Variants in DLG2 observed in about 807,000 individuals in gnomAD.
DLG2 encodes the protein disks large homolog 2.
A neutral mutation model predicts 132.5 loss-of-function variants in DLG2; 45 were observed. The ratio of observed to expected loss-of-function variants is 0.34; its 90% confidence interval spans 0.27 to 0.44. The LOEUF (loss-of-function observed/expected upper bound fraction) is 0.44. DLG2 is among the 20% of genes least tolerant of loss of function. DLG2 has a pLI of 1.00. For synonymous variants in DLG2, 424 were observed against 419.6 expected (o/e 1.01, Z -0.13); for missense variants, 1,045 against 1,196.9 (o/e 0.87, Z 1.87).
At chr11:84,383,008 T>A (rs2098754268) in intron 7 of DLG2, among the ~76,000 whole-genome samples, 1 of 152,010 alleles carries the variant, frequency 6.6e-6, no homozygotes, top group Non-Finnish European at 1.5e-5. Flanking sequence ...GTCCTCCACA[T>A]TGCTGCCAGA....
intron 7 of DLG2, among the ~76,000 whole-genome samples, chr11:84,334,496 G>A (rs2098474926): frequency 6.6e-6 from 1 of 152,164 alleles, no homozygotes; most frequent in African/African-American, 2.4e-5. Context: ...GCTTTGAAAG[G>A]TAATGTCACT....
chr11:84,202,805 C>T (rs1419288389), intron 8 of DLG2, among the ~76,000 whole-genome samples: 1 of 151,998 alleles, frequency 6.6e-6, no homozygotes, highest in African/African-American at 2.4e-5. Context: ...GGGCAAAGTA[C>T]AAGAACAGAC....
chr11:84,511,210 A>AT (rs1013643707), intron 7 of DLG2, among the ~76,000 whole-genome samples: 5 of 151,702 alleles, frequency 3.3e-5, no homozygotes, highest in African/African-American at 2.4e-5. Context: ...CAAGTGTGGA[A>AT]TTTTTTTTTC....
At chr11:84,737,037 T>C (rs146366931) in intron 6 of DLG2, among the ~76,000 whole-genome samples, 417 of 152,068 alleles carry the variant, frequency 2.7e-3, no homozygotes, top group Non-Finnish European at 4.7e-3. Flanking sequence ...GAAATTCCCT[T>C]CTATTTATAT....
At chr11:84,619,874 A>G (rs887059830) in intron 6 of DLG2, among the ~76,000 whole-genome samples, 1 of 151,732 alleles carries the variant, frequency 6.6e-6, no homozygotes, top group East Asian at 1.9e-4. Flanking sequence ...TAAGAAATCA[A>G]TCTTCCCAAA....
chr11:83,723,105 G>T (rs538107534), intron 18 of DLG2, among the ~76,000 whole-genome samples: 1 of 152,266 alleles, frequency 6.6e-6, no homozygotes, highest in South Asian at 2.1e-4. Flanking sequence ...AAACGGCCAG[G>T]GGTGGTGTCT....
chr11:85,350,681 C>T (rs1208589709), intron 3 of DLG2, among the ~76,000 whole-genome samples: 2 of 152,176 alleles, frequency 1.3e-5, no homozygotes, highest in Non-Finnish European at 2.9e-5. Context: ...TTCCCCACTT[C>T]TTGTTTTTGT....
rs73491954 is a variant in DLG2 at position 85,447,575 on chromosome 11, C to G, written c.40+151082G>C. Among the ~76,000 whole-genome samples the G allele has an allele frequency of 6.0e-3, 915 of 152,240 alleles. 10 individuals are homozygous for G. The highest frequency in any genetic ancestry group is 0.02 in the African/African-American group (849 of 41,548). The stretch of plus-strand genomic sequence containing the variant: ...GCCAACCATTGCCAACCACCTTGAT[C>G]TTGGAATATTAGCTTCAAGAATTGT... On this transcript the variant is annotated intron_variant, in intron 3 of 27. Transcript: ENST00000376104.
chr11:85,324,831 G>A (rs895538521), intron 3 of DLG2, among the ~76,000 whole-genome samples: 2 of 151,692 alleles, frequency 1.3e-5, no homozygotes, highest in Admixed American at 6.6e-5. Context: ...CGCAGAAGAC[G>A]GGTGATTTCT....
intron 5 of DLG2, among the ~76,000 whole-genome samples, chr11:85,153,944 T>C (rs2077425830): frequency 6.6e-6 from 1 of 152,110 alleles, no homozygotes; most frequent in Non-Finnish European, 1.5e-5. Context: ...TTCTCTAATA[T>C]ATTTTTCAGC....
chr11:84,372,223 G>C (rs1256200171), intron 7 of DLG2, among the ~76,000 whole-genome samples: 1 of 152,166 alleles, frequency 6.6e-6, no homozygotes, highest in Non-Finnish European at 1.5e-5. Context: ...GAAAGCATCT[G>C]AAGTGTGTTA....
intron 7 of DLG2, among the ~76,000 whole-genome samples, chr11:84,475,831 A>G (rs1470422399): frequency 6.6e-6 from 1 of 152,096 alleles, no homozygotes; most frequent in East Asian, 1.9e-4. Context: ...ACAGAAATGC[A>G]ATTCACACTC....
intron 6 of DLG2, among the ~76,000 whole-genome samples, chr11:84,823,183 A>G (rs1022716644): frequency 6.6e-6 from 1 of 151,902 alleles, no homozygotes; most frequent in Admixed American, 6.6e-5. Flanking sequence ...TAATGAATGA[A>G]TAACATTGTG....
chr11:84,057,347 T>G (rs1594272889), intron 11 of DLG2, among the ~76,000 whole-genome samples: 2 of 152,282 alleles, frequency 1.3e-5, no homozygotes, highest in East Asian at 3.9e-4. Flanking sequence ...GTATTTGTCT[T>G]AGGGCTATGC....
chr11:83,747,852 TTTC>T (rs2093030335), intron 18 of DLG2, among the ~76,000 whole-genome samples: 3 of 152,094 alleles, frequency 2.0e-5, no homozygotes, highest in Admixed American at 6.5e-5. Context: ...ATTCTTTTCC[TTTC>T]TTATTTGAAT....
At chr11:83,929,761 C>T (rs189635039) in intron 15 of DLG2, among the ~76,000 whole-genome samples, 1 of 152,138 alleles carries the variant, frequency 6.6e-6, no homozygotes, top group East Asian at 1.9e-4. Flanking sequence ...AGGATGGTAA[C>T]ATAATATAAA....
chr11:83,629,671 G>A (rs1303528346), intron 19 of DLG2, among the ~76,000 whole-genome samples: 1 of 152,064 alleles, frequency 6.6e-6, no homozygotes, highest in Non-Finnish European at 1.5e-5. Context: ...TATTATACCA[G>A]CTTTTATCAG....
At chr11:84,075,586 T>C (rs961103113) in intron 10 of DLG2, among the ~76,000 whole-genome samples, 2 of 152,240 alleles carry the variant, frequency 1.3e-5, no homozygotes, top group South Asian at 2.1e-4. Context: ...TTTATACCTA[T>C]AATTATTGGA....
At chr11:85,447,920 ATG>A (rs2092081794) in intron 3 of DLG2, among the ~76,000 whole-genome samples, 1 of 152,152 alleles carries the variant, frequency 6.6e-6, no homozygotes, top group African/African-American at 2.4e-5. Flanking sequence ...CTCTTTGAAA[ATG>A]TTTTCCCAAA....
Sources: allele counts gnomAD v4.1 joint callset (sites outside exome capture counted in the v4.1 genomes callset), GRCh38; gene constraint gnomAD v4.1.1; transcripts MANE v1.5; gene names NCBI Gene and HGNC (gene_info 2026-07-23, HGNC 2026-07-21).